The following SLC16A7 variants were observed in gnomAD, a reference collection of about 807,000 sequenced individuals.
SLC16A7 encodes monocarboxylate transporter 2.
A neutral mutation model predicts 34.9 loss-of-function variants in SLC16A7; 33 were observed. That is an observed-to-expected ratio of 0.94 (90% CI 0.72 to 1.26). SLC16A7 has a LOEUF of 1.26. Among genes scored for constraint, SLC16A7 ranks in the 50% most tolerant of loss-of-function variants. The pLI is 0.00. For missense variants in SLC16A7, 573 were observed against 578.1 expected (o/e 0.99, Z 0.09); for synonymous variants, 201 against 206.6 (o/e 0.97, Z 0.23).
Position 59,785,258 on chromosome 12 carries a change from T to C in SLC16A7, c.*5579T>C, listed in dbSNP as rs1295483778. 1.3e-5 allele frequency: 2 copies of C among 152,216 alleles called. No individual in the cohort carries two copies. Among genetic ancestry groups the C allele is most frequent in the African/African-American group, 2.4e-5 (1 of 41,450 alleles). The allele number at this position is 152,216 out of a possible 1,614,324, so 9.4% of individuals were successfully genotyped here. ...TCTCTTCTTTCCTATCAGTTGTTTG[T>C]ACACTGGAGATTTTAGCTCTTTACA... On this transcript the variant is annotated 3_prime_UTR_variant, in exon 6 of 6. Coordinates refer to ENST00000547379, the MANE Select transcript of SLC16A7 (RefSeq NM_001270623.2).
chr12:59,631,690 AC>A (rs1880189829), intron 1 of SLC16A7, among the ~76,000 whole-genome samples: 1 of 151,678 alleles, frequency 6.6e-6, no homozygotes, highest in Non-Finnish European at 1.5e-5. Flanking sequence ...GTTCTTTCCC[AC>A]CCTGGCCCCA....
At chr12:59,665,522 A>G (rs1283202904) in intron 2 of SLC16A7, among the ~76,000 whole-genome samples, 2 of 151,992 alleles carry the variant, frequency 1.3e-5, no homozygotes, top group Admixed American at 1.3e-4. Context: ...GTATAATATT[A>G]TGGTATGATA....
chr12:59,608,939 A>C (rs1021894673), intron 1 of SLC16A7, among the ~76,000 whole-genome samples: 28 of 152,232 alleles, frequency 1.8e-4, no homozygotes, highest in African/African-American at 6.3e-4. Context: ...GGGATACTTC[A>C]GTATTTATGA....
chr12:59,719,135 A>G (rs559977126), intron 3 of SLC16A7, among the ~76,000 whole-genome samples: 73 of 152,336 alleles, frequency 4.8e-4, no homozygotes, highest in African/African-American at 1.7e-3. Context: ...GCACAAAATG[A>G]GCACCATTCT....
intron 3 of SLC16A7, among the ~76,000 whole-genome samples, chr12:59,742,123 T>A (rs1592618833): frequency 6.6e-6 from 1 of 152,298 alleles, no homozygotes; most frequent in East Asian, 1.9e-4. Flanking sequence ...AGTGCCCTCC[T>A]TGCTCTTGGG....
At chr12:59,689,324 T>G (rs147848322) in intron 2 of SLC16A7, 7 of 151,936 alleles carry the variant, frequency 4.6e-5, no homozygotes, top group African/African-American at 9.7e-5. Flanking sequence ...GACAAAGAGA[T>G]AGATGGAACT....
At chr12:59,706,862 C>A (rs1873645833) in intron 3 of SLC16A7, among the ~76,000 whole-genome samples, 1 of 151,768 alleles carries the variant, frequency 6.6e-6, no homozygotes. Context: ...AGTCATAATT[C>A]CTTATTGAGC....
chr12:59,709,898 G>A (rs974424914), intron 3 of SLC16A7, among the ~76,000 whole-genome samples: 10 of 151,512 alleles, frequency 6.6e-5, no homozygotes, highest in South Asian at 2.1e-4. Context: ...AAATATAAGC[G>A]GAAGGACATC....
intron 3 of SLC16A7, among the ~76,000 whole-genome samples, chr12:59,739,968 G>C (rs1015149930): frequency 3.3e-5 from 5 of 151,814 alleles, no homozygotes; most frequent in Middle Eastern, 3.4e-3. Flanking sequence ...GAGTAGGTTG[G>C]GAAAATTTTC....
intron 3 of SLC16A7, among the ~76,000 whole-genome samples, chr12:59,716,602 C>T (rs577754718): frequency 6.6e-6 from 1 of 152,276 alleles, no homozygotes; most frequent in East Asian, 1.9e-4. Flanking sequence ...AATCCCAGAA[C>T]TTTGAGAGGC....
intron 2 of SLC16A7, among the ~76,000 whole-genome samples, chr12:59,661,436 T>C (rs1868846004): frequency 6.6e-6 from 1 of 152,054 alleles, no homozygotes; most frequent in South Asian, 2.1e-4. Context: ...GTGCATTTAA[T>C]AGAAAGCTGT....
At chr12:59,769,241 A>G (rs1273560087) in intron 3 of SLC16A7, 2 of 152,196 alleles carry the variant, frequency 1.3e-5, no homozygotes, top group Non-Finnish European at 2.9e-5. Flanking sequence ...TAACTTTTAT[A>G]TGCACTGAGA....
intron 2 of SLC16A7, among the ~76,000 whole-genome samples, chr12:59,678,121 G>C (rs902843721): frequency 2.0e-5 from 3 of 152,202 alleles, no homozygotes; most frequent in Non-Finnish European, 4.4e-5. Flanking sequence ...TGAGGTCACA[G>C]CCCTGGCTCA....
At chr12:59,619,986 A>G (rs1879627875) in intron 1 of SLC16A7, among the ~76,000 whole-genome samples, 1 of 151,944 alleles carries the variant, frequency 6.6e-6, no homozygotes, top group South Asian at 2.1e-4. Flanking sequence ...AATAATAGAG[A>G]TGGTGTTTGA....
chr12:59,716,276 T>G (rs1874885828), intron 3 of SLC16A7, among the ~76,000 whole-genome samples: 1 of 152,178 alleles, frequency 6.6e-6, no homozygotes, highest in Admixed American at 6.5e-5. Context: ...CCTGTATATA[T>G]TCTCAGCACC....
chr12:59,646,413 C>T (rs1868251472), intron 1 of SLC16A7, among the ~76,000 whole-genome samples: 1 of 152,202 alleles, frequency 6.6e-6, no homozygotes, highest in Admixed American at 6.5e-5. Context: ...GGCTTGGAAG[C>T]TTCCACATGG....
chr12:59,745,941 A>G (rs1166883833), intron 3 of SLC16A7, among the ~76,000 whole-genome samples: 1 of 152,210 alleles, frequency 6.6e-6, no homozygotes, highest in African/African-American at 2.4e-5. Context: ...TGGAAAACAT[A>G]AAGTGAAAAA....
At chr12:59,768,123 C>T (rs971295741) in intron 3 of SLC16A7, 1 of 452,946 alleles carries the variant, frequency 2.2e-6, no homozygotes, top group African/African-American at 2.0e-5. Context: ...TGTAAGCTTA[C>T]AGCTGCCGTA....
chr12:59,767,117 G>A (rs182091007), intron 3 of SLC16A7, among the ~76,000 whole-genome samples: 6 of 151,482 alleles, frequency 4.0e-5, no homozygotes, highest in South Asian at 2.1e-4. Flanking sequence ...GTTTATTAGC[G>A]AGATTGCTTC....
Sources: gnomAD v4.1 joint callset for allele counts (sites outside exome capture counted in the v4.1 genomes callset) on GRCh38, gnomAD v4.1.1 for gene constraint, MANE v1.5 for transcripts, NCBI Gene and HGNC (gene_info 2026-07-23, HGNC 2026-07-21) for gene names.